Variants in GFRA2 observed in about 807,000 individuals in gnomAD.
GFRA2 encodes the protein GDNF family receptor alpha 2.
A neutral mutation model predicts 48.3 loss-of-function variants in GFRA2; 17 were observed. The ratio of observed to expected loss-of-function variants is 0.35; its 90% CI spans 0.24 to 0.53. The LOEUF (loss-of-function observed/expected upper bound fraction) is 0.53, where lower values mean the gene tolerates loss of function less well. Ranked by LOEUF, GFRA2 falls within the 20% of genes least tolerant of loss-of-function variation. The pLI is 0.93. For missense variants in GFRA2, 660 were observed against 637.3 expected, an observed-to-expected ratio of 1.04 and a Z score of -0.38; for synonymous variants, 305 against 257.2, an observed-to-expected ratio of 1.19 and a Z score of -1.78.
chr8:21,703,520 A>T (rs1222135898), intron 6 of GFRA2, among the ~76,000 whole-genome samples: 2 of 151,616 alleles, frequency 1.3e-5, no homozygotes, highest in Non-Finnish European at 2.9e-5. Context: ...TGCCCAGAAA[A>T]TCTCCGCCTC....
chr8:21,737,726 G>T (rs907178771), intron 4 of GFRA2, among the ~76,000 whole-genome samples: 6 of 151,942 alleles, frequency 3.9e-5, no homozygotes, highest in Non-Finnish European at 8.8e-5. Context: ...GGTCCCCGCC[G>T]CAGGACCCTG....
chr8:21,769,167 G>A (rs1180132270), intron 3 of GFRA2: 1 of 984,516 alleles, frequency 1.0e-6, no homozygotes, highest in Non-Finnish European at 1.2e-6. Flanking sequence ...TTACAGCAGT[G>A]GTTGACCGTC....
chr8:21,770,366 C>T (rs1462361178), intron 3 of GFRA2, among the ~76,000 whole-genome samples: 1 of 152,236 alleles, frequency 6.6e-6, no homozygotes, highest in African/African-American at 2.4e-5. Context: ...TGCACTATCT[C>T]ATTTAGTCTT....
intron 4 of GFRA2, among the ~76,000 whole-genome samples, chr8:21,726,178 C>T (rs576001394): frequency 2.0e-5 from 3 of 152,334 alleles, no homozygotes; most frequent in Admixed American, 6.5e-5. Flanking sequence ...CTGGCACCCA[C>T]GCACTTCCTA....
chr8:21,704,784 T>C (rs1802656131), intron 6 of GFRA2, among the ~76,000 whole-genome samples: 1 of 152,132 alleles, frequency 6.6e-6, no homozygotes, highest in African/African-American at 2.4e-5. Context: ...CCTCTGGTGG[T>C]AAACTGAGGC....
upstream of GFRA2, chr8:21,789,986 TC>T: frequency 1.3e-6 from 1 of 775,244 alleles, no homozygotes; most frequent in Non-Finnish European, 1.6e-6. Context: ...AGCTCCCGGC[TC>T]CCTAGGCTCC....
intron 7 of GFRA2, among the ~76,000 whole-genome samples, chr8:21,701,689 A>G (rs533011061): frequency 6.6e-6 from 1 of 152,310 alleles, no homozygotes; most frequent in African/African-American, 2.4e-5. Context: ...CATGTCACAT[A>G]CAGATCACCC....
intron 2 of GFRA2, 55 bp from the exon 3 acceptor site, chr8:21,775,110 G>A: frequency 2.3e-6 from 2 of 874,834 alleles, no homozygotes; most frequent in Non-Finnish European, 3.9e-6. Context: ...AGCGCTGCCG[G>A]CACTTAGCAA....
At chr8:21,711,749 T>G (rs1346534303) in intron 4 of GFRA2, among the ~76,000 whole-genome samples, 1 of 150,346 alleles carries the variant, frequency 6.7e-6, no homozygotes, top group East Asian at 2.0e-4. Context: ...GGCAGGGTCA[T>G]AAGACAATAG....
At chr8:21,799,573 T>C in intron 2 of GFRA2, among the ~76,000 whole-genome samples, 1 of 152,212 alleles carries the variant, frequency 6.6e-6, no homozygotes, top group East Asian at 1.9e-4. Context: ...CTTTAAAGTC[T>C]AATTCTATAA....
At chr8:21,801,857 C>T (rs1807777726) in intron 2 of GFRA2, among the ~76,000 whole-genome samples, 1 of 152,230 alleles carries the variant, frequency 6.6e-6, no homozygotes, top group South Asian at 2.1e-4. Context: ...GTGCTCCATC[C>T]AGCACGCCCC....
At chr8:21,716,308 G>GA (rs5889998) in intron 4 of GFRA2, among the ~76,000 whole-genome samples, 100,838 of 144,032 alleles carry the variant, frequency 0.7, 34,994 homozygotes, top group Admixed American at 0.76. Context: ...GGGAAACAAA[G>GA]AAAAAAAAAA....
In GFRA2 at chr8:21,758,504, G is replaced by T. The variant is rs77283721; in HGVS notation, c.440-7562C>A. On this transcript the variant is annotated intron_variant, in intron 3 of 8. Transcript: ENST00000524240. ...GCCCCTCATCCCATTTGCAGCTGCA[G>T]TGTCCGTCCCTGAGCCCACCCTGGG... Among the ~76,000 whole-genome samples the T allele has an allele frequency of 1.6e-3, 247 of 152,216 alleles. 5 individuals carry two copies. The East Asian group carries it at 0.039, about 24-fold the overall frequency.
rs534148861 is a variant in GFRA2 at position 21,755,644 on chromosome 8, C to T, written c.440-4702G>A. Among the ~76,000 whole-genome samples the T allele has an allele frequency of 1.6e-4, 20 of 125,528 alleles. 1 individual carries two copies. Among genetic ancestry groups the T allele is most frequent in the Non-Finnish European group, 5.2e-5 (3 of 57,220 alleles). The allele number at this position is 125,528 out of a possible 152,430, so 82.4% of individuals were successfully genotyped here. A position where few individuals can be genotyped will look rare whatever the true frequency, so the allele number is the denominator to read the frequency against. On this transcript the variant is annotated intron_variant, in intron 3 of 8. Transcript: ENST00000524240. ...ATCCTGTCCAGACCTTGGTGGGGGC[C>T]GGGGGAGGGGTCCTGGAAGCAGTGA...
chr8:21,747,259 C>A (rs1585289679), intron 4 of GFRA2, among the ~76,000 whole-genome samples: 2 of 152,148 alleles, frequency 1.3e-5, no homozygotes, highest in Admixed American at 1.3e-4. Flanking sequence ...CCCATCTATC[C>A]TGTTTGGGGG....
At chr8:21,805,637 T>A (rs1204506560) in intron 1 of GFRA2, among the ~76,000 whole-genome samples, 1 of 152,190 alleles carries the variant, frequency 6.6e-6, no homozygotes, top group Non-Finnish European at 1.5e-5. Flanking sequence ...AAACTAGGGC[T>A]GGGAGTCGTA....
intron 4 of GFRA2, among the ~76,000 whole-genome samples, chr8:21,746,048 G>A (rs1474364526): frequency 6.6e-6 from 1 of 152,222 alleles, no homozygotes; most frequent in Non-Finnish European, 1.5e-5. Flanking sequence ...GGTCCCTACA[G>A]ATGACTTGGT....
chr8:21,767,098 C>T (rs1331220120), intron 3 of GFRA2, among the ~76,000 whole-genome samples: 1 of 149,680 alleles, frequency 6.7e-6, no homozygotes, highest in African/African-American at 2.5e-5. Flanking sequence ...ACACCCCACA[C>T]ACACCACCAT....
intron 6 of GFRA2, among the ~76,000 whole-genome samples, chr8:21,703,208 G>C (rs1261243344): frequency 6.6e-6 from 1 of 152,114 alleles, no homozygotes; most frequent in African/African-American, 2.4e-5. Flanking sequence ...ACAGAAGCCA[G>C]AATAGCAAGA....
Sources: gnomAD v4.1 joint callset for allele counts (sites outside exome capture counted in the v4.1 genomes callset) on GRCh38, gnomAD v4.1.1 for gene constraint, MANE v1.5 for transcripts, NCBI Gene and HGNC (gene_info 2026-07-23, HGNC 2026-07-21) for gene names.